RALYL: variants seen among roughly 807,000 people sequenced by gnomAD.
The protein encoded by RALYL is RALY RNA binding protein like.
A neutral mutation model predicts 35.1 loss-of-function variants in RALYL; 29 were observed. The observed-to-expected ratio is 0.83, with a 90% CI of 0.61 to 1.13. RALYL has a LOEUF of 1.13. Among genes scored for constraint, RALYL ranks in the 50% most tolerant of loss-of-function variants. The pLI, the probability that RALYL is intolerant of heterozygous loss-of-function variation, is 0.00. For missense variants in RALYL, 359 were observed against 360.4 expected, an observed-to-expected ratio of 1.00 and a Z score of 0.03; for synonymous variants, 120 against 127.6, an observed-to-expected ratio of 0.94 and a Z score of 0.40.
chr8:84,200,345 C>T (rs1365550589), intron 1 of RALYL, among the ~76,000 whole-genome samples: 3 of 151,974 alleles, frequency 2.0e-5, no homozygotes, highest in Admixed American at 6.6e-5. Flanking sequence ...TCAAAGCAAA[C>T]GTCATTTCAG....
At chr8:84,490,890 TC>T (rs2055213873) in intron 1 of RALYL, among the ~76,000 whole-genome samples, 1 of 151,764 alleles carries the variant, frequency 6.6e-6, no homozygotes, top group African/African-American at 2.4e-5. Context: ...AAATTTATAT[TC>T]AAATATACTT....
intron 8 of RALYL, among the ~76,000 whole-genome samples, chr8:84,895,347 A>C (rs1352668824): frequency 6.6e-6 from 1 of 152,138 alleles, no homozygotes; most frequent in African/African-American, 2.4e-5. Flanking sequence ...GACAAAAAAA[A>C]AAAAAAGACT....
intron 2 of RALYL, among the ~76,000 whole-genome samples, chr8:84,705,640 T>C (rs1296460210): frequency 6.6e-6 from 1 of 152,238 alleles, no homozygotes; most frequent in Non-Finnish European, 1.5e-5. Context: ...TTTTAATTTA[T>C]ATAAATACTA....
intron 1 of RALYL, among the ~76,000 whole-genome samples, chr8:84,426,770 C>G (rs1287458711): frequency 6.6e-6 from 1 of 152,150 alleles, no homozygotes; most frequent in Non-Finnish European, 1.5e-5. Flanking sequence ...CACCTCATAC[C>G]TGTCAGGATG....
intron 1 of RALYL, among the ~76,000 whole-genome samples, chr8:84,397,128 CG>C (rs1244393659): frequency 6.6e-6 from 1 of 151,988 alleles, no homozygotes; most frequent in African/African-American, 2.4e-5. Flanking sequence ...TGGCAGAGGC[CG>C]GGGTGATGTG....
At chr8:84,692,402 A>C (rs1200831788) in intron 2 of RALYL, among the ~76,000 whole-genome samples, 1 of 152,002 alleles carries the variant, frequency 6.6e-6, no homozygotes, top group Non-Finnish European at 1.5e-5. Context: ...TCAAACATAG[A>C]ATATGAAATT....
intron 1 of RALYL, among the ~76,000 whole-genome samples, chr8:84,354,158 T>A (rs1267806136): frequency 6.7e-6 from 1 of 149,934 alleles, no homozygotes; most frequent in Non-Finnish European, 1.5e-5. Flanking sequence ...ATTTGCATAA[T>A]AATAATTTTT....
chr8:84,567,677 G>GTTT (rs200193309), intron 2 of RALYL, among the ~76,000 whole-genome samples: 22 of 141,374 alleles, frequency 1.6e-4, no homozygotes, highest in African/African-American at 5.4e-4. Flanking sequence ...AGTGAACGTT[G>GTTT]TTTTTTTTTT....
At chr8:84,450,328 A>T (rs2049324347) in intron 1 of RALYL, among the ~76,000 whole-genome samples, 1 of 151,898 alleles carries the variant, frequency 6.6e-6, no homozygotes, top group South Asian at 2.1e-4. Flanking sequence ...TGAAGAATTA[A>T]ACTACTGGGA....
At chr8:84,917,193 C>T (rs1848613101) in intron 8 of RALYL, among the ~76,000 whole-genome samples, 1 of 151,970 alleles carries the variant, frequency 6.6e-6, no homozygotes, top group Admixed American at 6.6e-5. Context: ...CCTGTTGTTT[C>T]TTGGTCTTTT....
chr8:84,581,296 A>G (rs183284436), intron 2 of RALYL, among the ~76,000 whole-genome samples: 1 of 152,336 alleles, frequency 6.6e-6, no homozygotes, highest in Non-Finnish European at 1.5e-5. Flanking sequence ...AACATGTTTT[A>G]CAATGATCAC....
At chr8:84,422,707 C>T (rs2045808624) in intron 1 of RALYL, among the ~76,000 whole-genome samples, 1 of 141,684 alleles carries the variant, frequency 7.1e-6, no homozygotes, top group African/African-American at 2.7e-5. Context: ...TTTCCCTCTA[C>T]ACACTGCTTT....
intron 2 of RALYL, among the ~76,000 whole-genome samples, chr8:84,691,204 G>A (rs1424872804): frequency 6.6e-6 from 1 of 151,930 alleles, no homozygotes; most frequent in African/African-American, 2.4e-5. Context: ...ACTTTATATG[G>A]GATCTAGAAA....
intron 1 of RALYL, among the ~76,000 whole-genome samples, chr8:84,467,143 T>G (rs2133561571): frequency 6.6e-6 from 1 of 152,310 alleles, no homozygotes; most frequent in African/African-American, 2.4e-5. Context: ...ACTATTTCCT[T>G]CAGTTCTGCT....
intron 2 of RALYL, among the ~76,000 whole-genome samples, chr8:84,742,433 G>A (rs1000281418): frequency 6.6e-6 from 1 of 151,914 alleles, no homozygotes; most frequent in Admixed American, 6.6e-5. Context: ...TATAATCATG[G>A]AAGTTAGTTG....
At chr8:84,205,326 TC>T (rs777006596) in intron 1 of RALYL, among the ~76,000 whole-genome samples, 9 of 152,316 alleles carry the variant, frequency 5.9e-5, no homozygotes, top group South Asian at 2.1e-4. Context: ...CTTTAGTTTT[TC>T]AAGGTCAAAT....
At chr8:84,599,952 A>C (rs1815526359) in intron 2 of RALYL, among the ~76,000 whole-genome samples, 1 of 150,966 alleles carries the variant, frequency 6.6e-6, no homozygotes, top group African/African-American at 2.4e-5. Context: ...TATCTGTAAA[A>C]GTATGAACTC....
rs142137786 is a variant in RALYL at position 84,615,492 on chromosome 8, T to C, written c.256+85915T>C. 4.1e-4 allele frequency among the ~76,000 whole-genome samples: 62 copies of C among 150,450 alleles called. No individual in the cohort carries two copies. In the East Asian group the frequency reaches 0.01, roughly 25 times the overall value. ...AAAGGTATTGCAGAGTTAAATTAAA[T>C]GTGATTAATCAGTTTAAACAGTGTA... On this transcript the variant is annotated intron_variant, in intron 2 of 8. Transcript: ENST00000521268.
rs374735188 is a variant in RALYL, at chr8:84,856,906, T to C, written c.414-5390T>C. ...AGCCGGGCGCGGTGGCAGGCGCCTG[T>C]AGTCCCAGCTACTCGGGAGGCTGAG... On this transcript the variant is annotated intron_variant, in intron 5 of 8. Transcript: ENST00000521268. Among the ~76,000 whole-genome samples, 851 of 151,200 alleles carry C rather than the reference T, an allele frequency of 5.6e-3. 6 individuals carry two copies. The highest frequency in any genetic ancestry group is 0.019 in the African/African-American group (784 of 41,224).
Sources: allele counts gnomAD v4.1 joint callset (sites outside exome capture counted in the v4.1 genomes callset), GRCh38; gene constraint gnomAD v4.1.1; transcripts MANE v1.5; gene names NCBI Gene and HGNC (gene_info 2026-07-23, HGNC 2026-07-21).